The following GPC5 variants were observed in gnomAD, a reference collection of about 807,000 sequenced individuals.
The protein encoded by GPC5 is glypican 5, also known as glypican-5.
GPC5 carries 47 observed loss-of-function variants against 53.9 expected under a neutral mutation model. The ratio of observed to expected loss-of-function variants is 0.87; its 90% CI spans 0.69 to 1.11. The LOEUF (loss-of-function observed/expected upper bound fraction) is 1.11. GPC5 is among the 50% of genes most tolerant of loss of function. The pLI is 0.00. For missense variants in GPC5, 748 were observed against 713.1 expected, an observed-to-expected ratio of 1.05 and a Z score of -0.56; for synonymous variants, 286 against 263.3, an observed-to-expected ratio of 1.09 and a Z score of -0.84.
At chr13:91,813,565 C>A (rs1243924146) in intron 5 of GPC5, among the ~76,000 whole-genome samples, 1 of 152,118 alleles carries the variant, frequency 6.6e-6, no homozygotes, top group Non-Finnish European at 1.5e-5. Context: ...GAGCAGAAAC[C>A]AGGATGATCA....
chr13:91,583,527 C>G (rs1257156452), intron 2 of GPC5, among the ~76,000 whole-genome samples: 1 of 152,036 alleles, frequency 6.6e-6, no homozygotes, highest in East Asian at 1.9e-4. Context: ...GATCATATTC[C>G]TACATGGGAA....
intron 6 of GPC5, among the ~76,000 whole-genome samples, chr13:92,132,479 G>A (rs185643472): frequency 6.6e-6 from 1 of 152,096 alleles, no homozygotes; most frequent in Non-Finnish European, 1.5e-5. Context: ...GAGGGAGGCT[G>A]TCTGTGTTTC....
At chr13:92,858,472 A>G (rs1875503476) in intron 7 of GPC5, among the ~76,000 whole-genome samples, 1 of 152,176 alleles carries the variant, frequency 6.6e-6, no homozygotes, top group Admixed American at 6.6e-5. Flanking sequence ...TACAGACACC[A>G]TGCAGCTATA....
intron 7 of GPC5, among the ~76,000 whole-genome samples, chr13:92,562,944 G>C (rs999102937): frequency 1.3e-5 from 2 of 151,830 alleles, no homozygotes; most frequent in African/African-American, 4.8e-5. Context: ...CATAATAAAA[G>C]GGAAGCTCCA....
chr13:91,967,084 TG>T (rs1248947468), intron 6 of GPC5, among the ~76,000 whole-genome samples: 1 of 152,192 alleles, frequency 6.6e-6, no homozygotes, highest in Non-Finnish European at 1.5e-5. Flanking sequence ...TCTACGTGGC[TG>T]GGGAGGCCTC....
chr13:92,347,874 AATATAT>A (rs1555329507), intron 7 of GPC5, among the ~76,000 whole-genome samples: 1 of 6,646 alleles, frequency 1.5e-4, no homozygotes, highest in Non-Finnish European at 2.6e-4. Flanking sequence ...TTATATATAT[AATATAT>A]ATTATATATA....
At chr13:91,427,411 T>A (rs1030377365) in intron 1 of GPC5, among the ~76,000 whole-genome samples, 2 of 151,938 alleles carry the variant, frequency 1.3e-5, no homozygotes, top group Admixed American at 1.3e-4. Flanking sequence ...TGGAGTCAAA[T>A]GAGATCTTTT....
chr13:91,989,856 A>G (rs1415306093), intron 6 of GPC5, among the ~76,000 whole-genome samples: 3 of 152,174 alleles, frequency 2.0e-5, no homozygotes, highest in African/African-American at 7.2e-5. Flanking sequence ...TACAGTTATT[A>G]CTCTAATTTA....
intron 7 of GPC5, among the ~76,000 whole-genome samples, chr13:92,312,099 C>T (rs2043148726): frequency 6.6e-6 from 1 of 152,036 alleles, no homozygotes; most frequent in Non-Finnish European, 1.5e-5. Context: ...GGATTTTAAC[C>T]ATGACAATGA....
At chr13:92,623,263 A>C (rs1884935115) in intron 7 of GPC5, among the ~76,000 whole-genome samples, 1 of 152,192 alleles carries the variant, frequency 6.6e-6, no homozygotes, top group Non-Finnish European at 1.5e-5. Flanking sequence ...TTGTCAGTAA[A>C]AGAGTGAAGT....
At chr13:92,725,291 G>T (rs1888612550) in intron 7 of GPC5, among the ~76,000 whole-genome samples, 1 of 151,280 alleles carries the variant, frequency 6.6e-6, no homozygotes, top group South Asian at 2.1e-4. Flanking sequence ...GTCTAAATAT[G>T]AGTAATTTGT....
At chr13:92,860,552 A>G (rs1879148453) in intron 7 of GPC5, among the ~76,000 whole-genome samples, 1 of 152,186 alleles carries the variant, frequency 6.6e-6, no homozygotes, top group Non-Finnish European at 1.5e-5. Flanking sequence ...GGAAATAGTT[A>G]TGCTAAGCCA....
At chr13:91,842,650 C>G (rs1234998602) in intron 5 of GPC5, among the ~76,000 whole-genome samples, 1 of 104,858 alleles carries the variant, frequency 9.5e-6, no homozygotes, top group Non-Finnish European at 1.9e-5. Context: ...TGCAGTGAGC[C>G]GAGATCGCGC....
chr13:92,787,766 A>G (rs1350735127), intron 7 of GPC5, among the ~76,000 whole-genome samples: 1 of 151,304 alleles, frequency 6.6e-6, no homozygotes, highest in Non-Finnish European at 1.5e-5. Context: ...AGTCCCAGCT[A>G]CTTGGGAGGC....
intron 7 of GPC5, among the ~76,000 whole-genome samples, chr13:92,858,587 T>C (rs1273174842): frequency 6.6e-6 from 1 of 152,112 alleles, no homozygotes; most frequent in African/African-American, 2.4e-5. Context: ...ATGTTCTTAG[T>C]TAACAGTGAG....
At chr13:91,784,172 T>C (rs1252980593) in intron 5 of GPC5, among the ~76,000 whole-genome samples, 1 of 152,182 alleles carries the variant, frequency 6.6e-6, no homozygotes, top group African/African-American at 2.4e-5. Context: ...AAAGTAAGGA[T>C]ATAAAATGGA....
At chr13:92,386,730 G>C (rs1874744466) in intron 7 of GPC5, among the ~76,000 whole-genome samples, 1 of 151,956 alleles carries the variant, frequency 6.6e-6, no homozygotes, top group African/African-American at 2.4e-5. Flanking sequence ...ACAGGATATT[G>C]ATTTTGCATG....
intron 5 of GPC5, among the ~76,000 whole-genome samples, chr13:91,778,776 A>G (rs1042119047): frequency 4.6e-5 from 7 of 152,338 alleles, no homozygotes; most frequent in Admixed American, 4.6e-4. Context: ...TAAATAATGA[A>G]GATAATTCTA....
intron 7 of GPC5, among the ~76,000 whole-genome samples, chr13:92,297,127 C>T (rs548458132): frequency 2.0e-5 from 3 of 152,378 alleles, no homozygotes; most frequent in Admixed American, 1.3e-4. Context: ...CAGCTGGGCT[C>T]CTGAGTCTGG....
Sources: gnomAD v4.1 joint callset for allele counts (sites outside exome capture counted in the v4.1 genomes callset) on GRCh38, gnomAD v4.1.1 for gene constraint, MANE v1.5 for transcripts, NCBI Gene and HGNC (gene_info 2026-07-23, HGNC 2026-07-21) for gene names.